SNX29: variants seen among roughly 807,000 people sequenced by gnomAD.
SNX29 encodes sorting nexin 29, also known as sorting nexin-29.
A neutral mutation model predicts 102.1 loss-of-function variants in SNX29; 78 were observed. The ratio of observed to expected loss-of-function variants is 0.76; its 90% CI spans 0.64 to 0.92. The LOEUF (loss-of-function observed/expected upper bound fraction) is 0.92. Ranked by LOEUF, SNX29 falls within the 40% of genes least tolerant of loss-of-function variation. The pLI is 0.00. For missense variants in SNX29, 1,280 were observed against 1,061.7 expected, an observed-to-expected ratio of 1.21 and a Z score of -2.86; for synonymous variants, 580 against 414.5, an observed-to-expected ratio of 1.40 and a Z score of -4.85.
intron 14 of SNX29, among the ~76,000 whole-genome samples, chr16:12,208,695 G>C (rs2077107634): frequency 6.6e-6 from 1 of 152,088 alleles, no homozygotes; most frequent in South Asian, 2.1e-4. Context: ...AAAAAAATTG[G>C]CCAGGTGTGC....
At chr16:12,114,736 C>T (rs918607342) in intron 11 of SNX29, among the ~76,000 whole-genome samples, 4 of 151,784 alleles carry the variant, frequency 2.6e-5, no homozygotes, top group African/African-American at 9.7e-5. Context: ...ACAGGTGCCC[C>T]CCACCATGCC....
rs1402054627 is a variant in SNX29, at chr16:12,342,952, C to T, written c.1783-13211C>T. On this transcript the variant is annotated intron_variant, in intron 15 of 20. Transcript: ENST00000566228. ...AGCCAGCCTTTACCTGAAGGAGGCT[C>T]TTGGCAGCTTTACGGGAGTGCTGTT... 3.3e-5 allele frequency among the ~76,000 whole-genome samples: 5 copies of T among 152,334 alleles called. No individual in the cohort carries two copies. The East Asian group carries it at 7.7e-4, about 24-fold the overall frequency.
intron 11 of SNX29, among the ~76,000 whole-genome samples, chr16:12,104,953 G>A (rs1354244474): frequency 1.3e-5 from 2 of 152,204 alleles, no homozygotes; most frequent in African/African-American, 2.4e-5. Context: ...TGGGAATGGC[G>A]GTGTGATTTG....
intron 11 of SNX29, among the ~76,000 whole-genome samples, chr16:12,114,145 G>A (rs1291636625): frequency 6.6e-6 from 1 of 152,204 alleles, no homozygotes; most frequent in African/African-American, 2.4e-5. Context: ...GTTCCACATA[G>A]CATATGAGCT....
intron 20 of SNX29, among the ~76,000 whole-genome samples, chr16:12,551,014 C>T (rs914582032): frequency 3.9e-5 from 6 of 152,110 alleles, no homozygotes; most frequent in African/African-American, 1.2e-4. Context: ...CTTCTCTGGC[C>T]GAGTGATGGG....
chr16:12,549,836 CCTT>C (rs1426660532), intron 20 of SNX29, among the ~76,000 whole-genome samples: 1 of 152,264 alleles, frequency 6.6e-6, no homozygotes, highest in African/African-American at 2.4e-5. Context: ...GGCCTTGCCT[CCTT>C]GGCCGCATGA....
Position 12,176,816 on chromosome 16 carries a change from C to T in SNX29, c.1596-22785C>T, listed in dbSNP as rs927617497. Among the ~76,000 whole-genome samples, 60 of 152,102 alleles carry T rather than the reference C, an allele frequency of 3.9e-4. 3 individuals are homozygous for T. Reference sequence around the variant, plus strand: ...TGAGTGTTGCTATCAAATGTTGATTCTCATTTGTTCTCAGTGATTTGAATT... The same window carrying T: ...TGAGTGTTGCTATCAAATGTTGATTTTCATTTGTTCTCAGTGATTTGAATT... On this transcript the variant is annotated intron_variant, in intron 13 of 20. Transcript: ENST00000566228.
At chr16:12,394,866 C>A (rs55918425) in intron 16 of SNX29, among the ~76,000 whole-genome samples, 14,929 of 152,192 alleles carry the variant, frequency 0.098, 830 homozygotes, top group Middle Eastern at 0.17. Flanking sequence ...CCTCTGCCCA[C>A]CTGCTGTGGA....
chr16:12,258,073 C>G (rs1015102934), intron 14 of SNX29, among the ~76,000 whole-genome samples: 2 of 151,964 alleles, frequency 1.3e-5, no homozygotes, highest in African/African-American at 4.8e-5. Context: ...CATCCTGGCT[C>G]CTGTGCAGTC....
At chr16:12,014,924 A>T (rs1452970961) in intron 3 of SNX29, among the ~76,000 whole-genome samples, 1 of 152,010 alleles carries the variant, frequency 6.6e-6, no homozygotes, top group Non-Finnish European at 1.5e-5. Context: ...GTGAGTTATC[A>T]CTGTTGCAAA....
chr16:12,198,353 G>A (rs1242641710), intron 13 of SNX29, among the ~76,000 whole-genome samples: 2 of 146,974 alleles, frequency 1.4e-5, no homozygotes, highest in Non-Finnish European at 2.9e-5. Flanking sequence ...TAATAGGATG[G>A]ATATAAAAAT....
At position 12,171,286 on chromosome 16, in the gene SNX29, C is replaced by T. The variant is rs1039919338; in HGVS notation, c.1596-28315C>T. On this transcript the variant is annotated intron_variant, in intron 13 of 20. Coordinates refer to ENST00000566228, the MANE Select transcript of SNX29 (RefSeq NM_032167.5). ...AATGGAACCCAGGTCTGGGGTCTGC[C>T]GTTGCATCCCTAAACCTTTCTGAAA... Among the ~76,000 whole-genome samples, 5 of 152,048 alleles carry T rather than the reference C, an allele frequency of 3.3e-5. No homozygotes were observed. In the South Asian group the frequency reaches 1.0e-3, roughly 32 times the overall value.
At position 12,529,948 on chromosome 16, in the gene SNX29, A is replaced by G. The variant is rs546645562; in HGVS notation, c.2318+5107A>G. Among the ~76,000 whole-genome samples the G allele has an allele frequency of 3.3e-5, 5 of 152,316 alleles. No homozygotes were observed. In the South Asian group the frequency reaches 8.3e-4, roughly 25 times the overall value. On this transcript the variant is annotated intron_variant, in intron 20 of 20. Coordinates refer to ENST00000566228, the MANE Select transcript of SNX29 (RefSeq NM_032167.5). ...CCTCAGCGTTACCCAGTTGCCAGTA[A>G]GGAGTGGTGATGCCATGCAAGAGAT...
chr16:12,293,256 G>A (rs2079861584), intron 15 of SNX29, among the ~76,000 whole-genome samples: 2 of 152,168 alleles, frequency 1.3e-5, no homozygotes, highest in Admixed American at 6.5e-5. Context: ...CATATGCATC[G>A]TGTCATTTAA....
At chr16:12,202,335 T>C (rs572670664) in intron 14 of SNX29, among the ~76,000 whole-genome samples, 2 of 152,310 alleles carry the variant, frequency 1.3e-5, no homozygotes, top group Admixed American at 6.5e-5. Context: ...GGAAAGTTTT[T>C]TTTGTTTTAT....
chr16:12,137,717 A>C (rs1472394082), intron 13 of SNX29, among the ~76,000 whole-genome samples: 1 of 152,222 alleles, frequency 6.6e-6, no homozygotes, highest in Non-Finnish European at 1.5e-5. Context: ...AGGACAGTAC[A>C]TTTCTTCAGT....
chr16:12,026,994 T>C (rs1011859871), intron 3 of SNX29, among the ~76,000 whole-genome samples: 2 of 152,174 alleles, frequency 1.3e-5, no homozygotes, highest in African/African-American at 4.8e-5. Context: ...ACTGAACTGA[T>C]TGGTTTTTAA....
intron 11 of SNX29, among the ~76,000 whole-genome samples, chr16:12,117,542 T>G (rs923395475): frequency 1.3e-5 from 2 of 152,214 alleles, no homozygotes; most frequent in African/African-American, 4.8e-5. Context: ...TAAGAGATGA[T>G]TCCGTTTCTG....
intron 15 of SNX29, among the ~76,000 whole-genome samples, chr16:12,308,613 A>G (rs2080425507): frequency 2.6e-5 from 4 of 152,166 alleles, no homozygotes; most frequent in African/African-American, 2.4e-5. Flanking sequence ...GCCAGGGATA[A>G]ACAGGAAACA....
Sources: allele counts gnomAD v4.1 joint callset (sites outside exome capture counted in the v4.1 genomes callset), GRCh38; gene constraint gnomAD v4.1.1; transcripts MANE v1.5; gene names NCBI Gene and HGNC (gene_info 2026-07-23, HGNC 2026-07-21).